Variants in PDE8B observed in about 807,000 individuals in gnomAD.
PDE8B encodes phosphodiesterase 8B, also known as high affinity cAMP-specific and IBMX-insensitive 3',5'-cyclic phosphodiesterase 8B.
PDE8B carries 26 observed loss-of-function variants against 101.3 expected under a neutral mutation model. The ratio of observed to expected loss-of-function variants is 0.26; its 90% CI spans 0.19 to 0.36. The LOEUF (loss-of-function observed/expected upper bound fraction) is 0.36. PDE8B is among the 10% of genes least tolerant of loss of function. PDE8B has a pLI of 1.00. For missense variants in PDE8B, 810 were observed against 1,163.1 expected, an observed-to-expected ratio of 0.70 and a Z score of 4.42; for synonymous variants, 424 against 429.3, an observed-to-expected ratio of 0.99 and a Z score of 0.15.
chr5:77,329,116 A>G, intron 4 of PDE8B, 59 bp downstream of exon 4: 1 of 1,402,838 alleles, frequency 7.1e-7, no homozygotes, highest in Non-Finnish European at 1.0e-6. Flanking sequence ...AATATTTGTC[A>G]GATGTAATCT....
Position 77,407,377 on chromosome 5 carries a change from C to A in PDE8B, c.1289-4C>A. ...TGGACACAGCTTTCTTGCCTTCTCT[C>A]CAGCACCAAGCCTGCAGAATCGTCG... On this transcript the variant is annotated splice_region_variant and splice_polypyrimidine_tract_variant and intron_variant, in intron 12 of 21. Transcript: ENST00000264917. The A allele has an allele frequency of 6.2e-7, 1 of 1,613,566 alleles. No individual in the cohort carries two copies. The highest frequency in any genetic ancestry group is 8.5e-7 in the Non-Finnish European group (1 of 1,179,484).
intron 2 of PDE8B, among the ~76,000 whole-genome samples, chr5:77,323,593 C>T (rs1014698417): frequency 1.3e-5 from 2 of 152,038 alleles, no homozygotes; most frequent in Non-Finnish European, 2.9e-5. Flanking sequence ...TTGCTGAAGC[C>T]GGGTAAGGAG....
the PDE8B span, among the ~76,000 whole-genome samples, chr5:77,138,361 T>G: frequency 6.6e-6 from 1 of 152,158 alleles, no homozygotes; most frequent in African/African-American, 2.4e-5. Context: ...CTCTTGTCCC[T>G]CAGGGTGGTT....
At chr5:77,168,922 C>T in the PDE8B span, among the ~76,000 whole-genome samples, 21 of 152,362 alleles carry the variant, frequency 1.4e-4, no homozygotes, top group Non-Finnish European at 2.4e-4. Flanking sequence ...ATCTTGACTT[C>T]CTTGTACTCA....
rs916827128 is a variant in PDE8B, at chr5:77,412,546, A to G, written c.1712+311A>G. Among the ~76,000 whole-genome samples, 10 of 139,780 alleles carry G rather than the reference A, an allele frequency of 7.2e-5. 1 individual carries two copies. The South Asian group carries it at 2.2e-3, about 31-fold the overall frequency. 91.7% of individuals were successfully genotyped at this position (139,780 alleles called of 152,430 possible). A position where few individuals can be genotyped will look rare whatever the true frequency, so the allele number is the denominator to read the frequency against. Reference sequence around the variant, plus strand: ...TACCCTACAGAATGGAATTGAGAGCACTATAGATTTTTTTTTTTTTTCTGA... The same window carrying G: ...TACCCTACAGAATGGAATTGAGAGCGCTATAGATTTTTTTTTTTTTTCTGA... On this transcript the variant is annotated intron_variant, in intron 16 of 21. Coordinates refer to ENST00000264917, the MANE Select transcript of PDE8B (RefSeq NM_003719.5).
chr5:77,411,785 G>C lies in PDE8B; in HGVS notation c.1576+64G>C, dbSNP rs187279748. 1.7e-5 allele frequency: 22 copies of C among 1,258,720 alleles called. 1 individual carries two copies. The East Asian group carries it at 4.9e-4, about 28-fold the overall frequency. 78.0% of individuals were successfully genotyped at this position (1,258,720 alleles called of 1,614,324 possible). ...TCCAGCCTGTGCTGTCCCCGCTGTTGCGATTATTGTTCTGGGAGGTGTTAC... is the reference window on the plus strand; with the variant it reads ...TCCAGCCTGTGCTGTCCCCGCTGTTCCGATTATTGTTCTGGGAGGTGTTAC... On this transcript the variant is annotated intron_variant, in intron 15 of 21. Coordinates refer to ENST00000264917, the MANE Select transcript of PDE8B (RefSeq NM_003719.5).
chr5:77,424,826 GTTT>G (rs36120983), intron 20 of PDE8B, among the ~76,000 whole-genome samples: 1 of 147,242 alleles, frequency 6.8e-6, no homozygotes, highest in Non-Finnish European at 1.5e-5. Flanking sequence ...TTTGTTTTTT[GTTT>G]TTTGTTTTTA....
At chr5:77,378,759 A>C (rs1171205600) in intron 10 of PDE8B, among the ~76,000 whole-genome samples, 4 of 152,306 alleles carry the variant, frequency 2.6e-5, no homozygotes, top group African/African-American at 9.6e-5. Context: ...GAACTCTTAG[A>C]TCCAAATGCT....
At chr5:77,255,478 A>C (rs1413733298) in intron 1 of PDE8B, among the ~76,000 whole-genome samples, 2 of 152,182 alleles carry the variant, frequency 1.3e-5, no homozygotes, top group Non-Finnish European at 2.9e-5. Context: ...TTTGTAAGTG[A>C]AGTCTGATGG....
chr5:77,098,800 TGAGAGA>T, the PDE8B span: 1 of 151,054 alleles, frequency 6.6e-6, no homozygotes, highest in Non-Finnish European at 1.5e-5. Context: ...CAAGAAAGAA[TGAGAGA>T]GGGAGAGGGA....
intron 1 of PDE8B, among the ~76,000 whole-genome samples, chr5:77,284,510 T>C (rs913917328): frequency 6.6e-6 from 1 of 152,172 alleles, no homozygotes; most frequent in African/African-American, 2.4e-5. Flanking sequence ...AAGAATAATA[T>C]GCAAACAAAA....
At chr5:77,366,181 AT>A (rs1784097730) in intron 10 of PDE8B, among the ~76,000 whole-genome samples, 2 of 152,114 alleles carry the variant, frequency 1.3e-5, no homozygotes, top group South Asian at 4.1e-4. Context: ...TCCTGCTTTA[AT>A]TGAAATTAGA....
At chr5:77,147,204 C>T in the PDE8B span, 1 of 311,872 alleles carries the variant, frequency 3.2e-6, no homozygotes, top group African/African-American at 2.2e-5. Flanking sequence ...GTCTAGAAAG[C>T]ATTTAAACCC....
At chr5:77,307,655 G>A (rs975414810) in intron 1 of PDE8B, among the ~76,000 whole-genome samples, 2 of 151,680 alleles carry the variant, frequency 1.3e-5, no homozygotes, top group South Asian at 2.1e-4. Context: ...GTATATATGT[G>A]TGTATGTTAC....
chr5:77,332,012 A>C (rs1777225065), intron 5 of PDE8B, among the ~76,000 whole-genome samples: 1 of 152,204 alleles, frequency 6.6e-6, no homozygotes, highest in Non-Finnish European at 1.5e-5. Context: ...TACTCCAAGG[A>C]AACTCACTAA....
intron 1 of PDE8B, among the ~76,000 whole-genome samples, chr5:77,305,161 T>G (rs1342168113): frequency 6.6e-6 from 1 of 152,226 alleles, no homozygotes; most frequent in Non-Finnish European, 1.5e-5. Context: ...TTGAAGACAC[T>G]TGGGCCCCAT....
At chr5:77,299,027 T>C (rs1241553770) in intron 1 of PDE8B, among the ~76,000 whole-genome samples, 1 of 152,242 alleles carries the variant, frequency 6.6e-6, no homozygotes, top group African/African-American at 2.4e-5. Flanking sequence ...GACATAAAAA[T>C]GGATGCTCCA....
At chr5:77,194,096 C>A in the PDE8B span, among the ~76,000 whole-genome samples, 1 of 152,134 alleles carries the variant, frequency 6.6e-6, no homozygotes, top group Non-Finnish European at 1.5e-5. Flanking sequence ...AATTCTACTT[C>A]CTCTTTCCCA....
In PDE8B at chr5:77,234,306, C is replaced by CCTGGGCAG. The variant is rs1754232965; in HGVS notation, c.339+23046_339+23047insGCAGCTGG. 4.6e-5 allele frequency among the ~76,000 whole-genome samples: 7 copies of CCTGGGCAG among 152,188 alleles called. No homozygotes were observed. In the South Asian group the frequency reaches 1.5e-3, roughly 32 times the overall value. ...GGTAAAATGGCCCCCAGAACCTAGA[C>CCTGGGCAG]CTGGAAGGACTGGGCAGCTCTTGAC... On this transcript the variant is annotated intron_variant, in intron 1 of 21. Coordinates refer to ENST00000264917, the MANE Select transcript of PDE8B (RefSeq NM_003719.5).
Sources: allele counts gnomAD v4.1 joint callset (sites outside exome capture counted in the v4.1 genomes callset), GRCh38; gene constraint gnomAD v4.1.1; transcripts MANE v1.5; gene names NCBI Gene and HGNC (gene_info 2026-07-23, HGNC 2026-07-21).